Variants in RAPGEF4 observed in about 807,000 individuals in gnomAD.
RAPGEF4 encodes the protein Rap guanine nucleotide exchange factor 4, also known as RAP guanine-nucleotide-exchange factor (GEF) 4.
In RAPGEF4, 66 loss-of-function variants were observed where a neutral mutation model predicts 147.9. The ratio of observed to expected loss-of-function variants is 0.45; its 90% confidence interval spans 0.37 to 0.55. The LOEUF (loss-of-function observed/expected upper bound fraction) is 0.55, where lower values mean the gene tolerates loss of function less well. RAPGEF4 is among the 20% of genes least tolerant of loss of function. The pLI, the probability that RAPGEF4 is intolerant of heterozygous loss-of-function variation, is 0.00. For missense variants in RAPGEF4, 1,071 were observed against 1,257.3 expected, an observed-to-expected ratio of 0.85 and a Z score of 2.24; for synonymous variants, 419 against 442.7, an observed-to-expected ratio of 0.95 and a Z score of 0.67.
intron 27 of RAPGEF4, 102 bp from the exon 28 acceptor site, chr2:173,036,023 A>G: frequency 1.2e-6 from 1 of 863,698 alleles, no homozygotes; most frequent in Non-Finnish European, 1.9e-6. Flanking sequence ...TTCAAAGGTC[A>G]ACTGTACCTG....
intron 4 of RAPGEF4, among the ~76,000 whole-genome samples, chr2:172,868,128 T>C (rs1694831266): frequency 6.6e-6 from 1 of 152,174 alleles, no homozygotes; most frequent in African/African-American, 2.4e-5. Context: ...GCAATTGCAT[T>C]TTGAACAGAT....
intron 23 of RAPGEF4, among the ~76,000 whole-genome samples, chr2:173,023,261 C>T (rs1696292125): frequency 1.3e-5 from 2 of 152,200 alleles, no homozygotes; most frequent in Admixed American, 1.3e-4. Flanking sequence ...ATGCTACTCT[C>T]CCAATTACCC....
chr2:172,761,032 A>AG (rs1440716472), intron 1 of RAPGEF4, among the ~76,000 whole-genome samples: 5 of 151,980 alleles, frequency 3.3e-5, no homozygotes, highest in Non-Finnish European at 7.4e-5. Context: ...TAGGGGAAAA[A>AG]CAATGAGAAT....
At chr2:172,827,131 A>G (rs148037604) in intron 4 of RAPGEF4, among the ~76,000 whole-genome samples, 15 of 152,312 alleles carry the variant, frequency 9.8e-5, no homozygotes, top group Admixed American at 7.8e-4. Flanking sequence ...TAATAAAGTG[A>G]TCATTACTAA....
chr2:172,900,197 A>C (rs1427949668), intron 4 of RAPGEF4, among the ~76,000 whole-genome samples: 1 of 152,054 alleles, frequency 6.6e-6, no homozygotes, highest in East Asian at 1.9e-4. Flanking sequence ...TAAAGCTGCA[A>C]CTCTGACTCC....
At chr2:172,908,402 A>C (rs943420544) in intron 4 of RAPGEF4, among the ~76,000 whole-genome samples, 2 of 152,232 alleles carry the variant, frequency 1.3e-5, no homozygotes, top group Non-Finnish European at 2.9e-5. Context: ...ACTGTGATGC[A>C]TCTCAGTTAA....
intron 1 of RAPGEF4, among the ~76,000 whole-genome samples, chr2:172,739,130 T>A (rs1182526696): frequency 6.6e-6 from 1 of 152,160 alleles, no homozygotes. Context: ...ATACTAATCT[T>A]AAAACCAGAA....
At chr2:172,924,465 G>A (rs191155252) in intron 6 of RAPGEF4, among the ~76,000 whole-genome samples, 3 of 152,336 alleles carry the variant, frequency 2.0e-5, no homozygotes, top group Non-Finnish European at 2.9e-5. Context: ...ACTAGTAGTA[G>A]TATATATTTA....
At chr2:172,803,803 A>T (rs1687209178) in intron 3 of RAPGEF4, among the ~76,000 whole-genome samples, 1 of 152,186 alleles carries the variant, frequency 6.6e-6, no homozygotes, top group Admixed American at 6.5e-5. Context: ...GCTGCATAGA[A>T]ATTTCTTCTG....
At chr2:172,763,877 C>A (rs953594190) in intron 1 of RAPGEF4, among the ~76,000 whole-genome samples, 3 of 151,998 alleles carry the variant, frequency 2.0e-5, no homozygotes, top group Non-Finnish European at 4.4e-5. Context: ...ATTCATATTT[C>A]CTTTTTTTGG....
rs373385976 is a variant in RAPGEF4 at position 172,935,532 on chromosome 2, C to T, written c.537+13232C>T. 5.3e-5 allele frequency among the ~76,000 whole-genome samples: 8 copies of T among 152,264 alleles called. No homozygotes were observed. The South Asian group carries it at 1.7e-3, about 32-fold the overall frequency. On this transcript the variant is annotated intron_variant, in intron 6 of 30. Transcript: ENST00000397081. ...CGCTGACTGCCAAAAAAAAACTGCC[C>T]CCTTCGATTGATGTACTCAAATAAC...
In RAPGEF4 at chr2:172,796,785, C is replaced by T. The variant is rs117104431; in HGVS notation, c.209-740C>T. On this transcript the variant is annotated intron_variant, in intron 2 of 30. Transcript: ENST00000397081. ...CGTCATGTGATTTTTCATTGAGTTA[C>T]TTGACCTCTGACTTTAAGTGTGAAG... Among the ~76,000 whole-genome samples, 175 of 152,300 alleles carry T rather than the reference C, an allele frequency of 1.1e-3. 3 individuals carry two copies. The East Asian group carries it at 0.02, about 17-fold the overall frequency.
chr2:173,020,693 C>G lies in RAPGEF4; in HGVS notation c.2231C>G (p.Pro744Arg). The G allele has an allele frequency of 1.2e-6, 2 of 1,613,604 alleles. No homozygotes were observed. Among genetic ancestry groups the G allele is most frequent in the Non-Finnish European group, 1.7e-6 (2 of 1,179,726 alleles). The change falls in exon 23 of 31, where the codon CCG becomes CGG. Residue 744 changes from proline to arginine, a missense_variant. Pro to Arg is a moderately radical substitution (Grantham distance 103, BLOSUM62 -2). Transcript: ENST00000397081. Reference sequence around the variant, plus strand: ...ATTAATGGACGCCTGTTTGCTTGCCCGCGAGAGCAATTCGATTCACTGGTA... The same window carrying G: ...ATTAATGGACGCCTGTTTGCTTGCCGGCGAGAGCAATTCGATTCACTGGTA... Reference protein sequence around the residue: ...LTINGRLFACPREQFDSLTPL... With the variant: ...LTINGRLFACRREQFDSLTPL...
At chr2:172,909,499 G>A (rs1216859012) in intron 4 of RAPGEF4, among the ~76,000 whole-genome samples, 1 of 152,154 alleles carries the variant, frequency 6.6e-6, no homozygotes, top group Non-Finnish European at 1.5e-5. Context: ...AGTGTGTTGG[G>A]ATCCAGGGAA....
At chr2:172,852,899 C>T (rs1026318317) in intron 4 of RAPGEF4, among the ~76,000 whole-genome samples, 1 of 151,836 alleles carries the variant, frequency 6.6e-6, no homozygotes, top group Non-Finnish European at 1.5e-5. Flanking sequence ...CTCTTTTATT[C>T]TAGTGATATG....
At chr2:172,735,760 T>A, upstream of RAPGEF4, 1 of 184,614 alleles carries the variant, frequency 5.4e-6, no homozygotes, top group Non-Finnish European at 1.1e-5. Context: ...GGCGGGCGAC[T>A]CGGCCCTCCC....
At chr2:172,763,991 C>T (rs1380942568) in intron 1 of RAPGEF4, among the ~76,000 whole-genome samples, 1 of 152,102 alleles carries the variant, frequency 6.6e-6, no homozygotes, top group Admixed American at 6.5e-5. Flanking sequence ...TGGCTCACAC[C>T]TGTAATCACA....
intron 4 of RAPGEF4, among the ~76,000 whole-genome samples, chr2:172,837,287 G>T (rs1179155931): frequency 6.6e-6 from 1 of 152,060 alleles, no homozygotes; most frequent in East Asian, 1.9e-4. Flanking sequence ...TAACAACATT[G>T]GCCGGTGGGG....
chr2:172,838,594 G>T (rs192111307), intron 4 of RAPGEF4, among the ~76,000 whole-genome samples: 389 of 152,214 alleles, frequency 2.6e-3, no homozygotes, highest in Non-Finnish European at 4.1e-3. Context: ...TAGTTCAATT[G>T]TAGATCTCTT....
Sources: gnomAD v4.1 joint callset for allele counts (sites outside exome capture counted in the v4.1 genomes callset) on GRCh38, gnomAD v4.1.1 for gene constraint, MANE v1.5 for transcripts, NCBI Gene and HGNC (gene_info 2026-07-23, HGNC 2026-07-21) for gene names.